CEP162: variants seen among roughly 807,000 people sequenced by gnomAD.
CEP162 encodes the protein centrosomal protein of 162 kDa.
CEP162 carries 141 observed loss-of-function variants against 169.2 expected under a neutral mutation model. The observed-to-expected ratio is 0.83, with a 90% CI of 0.73 to 0.96. The LOEUF (loss-of-function observed/expected upper bound fraction) is 0.96, where lower values mean the gene tolerates loss of function less well. Ranked by LOEUF, CEP162 falls within the 40% of genes least tolerant of loss-of-function variation. The pLI, the probability that CEP162 is intolerant of heterozygous loss-of-function variation, is 0.00. For missense variants in CEP162, 1,600 were observed against 1,587.2 expected (o/e 1.01, Z -0.14); for synonymous variants, 540 against 526.4 (o/e 1.03, Z -0.35).
chr6:84,126,379 T>A lies in CEP162; in HGVS notation c.4004A>T (p.Gln1335Leu). ...RHAQREQELQ[Q>L]IIQQTHQVVE... The stretch of plus-strand genomic sequence containing the variant: ...ATATGTAAATGTGATTTACTTTACC[T>A]GTTGAAGTTCCTGTTCTCTTTGTGC... Residue 1335 changes from glutamine to leucine, a missense_variant and splice_region_variant, in exon 26 of 27, where the codon CAG becomes CTG. Gln to Leu is a moderately radical substitution (Grantham distance 113, BLOSUM62 -2). Coordinates refer to ENST00000403245, the MANE Select transcript of CEP162 (RefSeq NM_014895.4). The A allele has an allele frequency of 6.3e-7, 1 of 1,582,756 alleles. No individual in the cohort carries two copies. The highest frequency in any genetic ancestry group is 1.2e-5 in the South Asian group (1 of 83,772).
In CEP162 at chr6:84,152,838, C is replaced by T; in HGVS notation, c.3336G>A (p.Gln1112=). Residue 1112 remains glutamine (Q), a synonymous_variant, in exon 23 of 27, where the codon CAG becomes CAA. Coordinates refer to ENST00000403245, the MANE Select transcript of CEP162 (RefSeq NM_014895.4). Reference sequence around the variant, plus strand: ...TTGATAGCATCATTCTTCTGTCTTTCTGAAGCCTCTCCACAGTTTTTGAGA... The same window carrying T: ...TTGATAGCATCATTCTTCTGTCTTTTTGAAGCCTCTCCACAGTTTTTGAGA... ...QDLSKTVERL[Q]KDRRMMLSNQ... 6.2e-7 allele frequency: 1 copy of T among 1,613,630 alleles called. No homozygotes were observed. The highest frequency in any genetic ancestry group is 8.5e-7 in the Non-Finnish European group (1 of 1,179,792).
rs756517430 is a variant in CEP162 at position 84,203,976 on chromosome 6, T to C, written c.687+5A>G. On this transcript the variant is annotated splice_donor_5th_base_variant and intron_variant, in intron 7 of 26. Coordinates refer to ENST00000403245, the MANE Select transcript of CEP162 (RefSeq NM_014895.4). ...AACTGTCAAATATATAATTGATATA[T>C]ATACCTGTTTGGGCACACTTATTTT... 2 of 1,575,278 alleles carry C rather than the reference T, an allele frequency of 1.3e-6. No homozygotes were observed. The highest frequency in any genetic ancestry group is 1.7e-6 in the Non-Finnish European group (2 of 1,151,682).
chr6:84,192,217 T>A (rs1535834), intron 11 of CEP162, among the ~76,000 whole-genome samples: 5,742 of 152,312 alleles, frequency 0.038, 161 homozygotes, highest in Admixed American at 0.091. Context: ...ACCAAAAAAT[T>A]TTTAGGTATG....
chr6:84,195,258 C>G (rs563853163), intron 9 of CEP162, among the ~76,000 whole-genome samples, 183 bp from the exon 10 acceptor site: 1 of 152,344 alleles, frequency 6.6e-6, no homozygotes, highest in South Asian at 2.1e-4. Flanking sequence ...TTTTAGCAAA[C>G]TGAGGCGTGT....
chr6:84,188,645 T>C (rs2099538308), intron 11 of CEP162, among the ~76,000 whole-genome samples: 1 of 152,172 alleles, frequency 6.6e-6, no homozygotes, highest in African/African-American at 2.4e-5. Flanking sequence ...ATGGGCATAT[T>C]TAGGTTGATT....
At chr6:84,177,315 C>G (rs1382489460) in intron 13 of CEP162, among the ~76,000 whole-genome samples, 1 of 152,154 alleles carries the variant, frequency 6.6e-6, no homozygotes, top group Admixed American at 6.5e-5. Context: ...TCCCTGTACC[C>G]CACCACTATA....
chr6:84,203,708 TC>T, intron 7 of CEP162, among the ~76,000 whole-genome samples: 1 of 152,288 alleles, frequency 6.6e-6, no homozygotes, highest in Non-Finnish European at 1.5e-5. Flanking sequence ...TGCCTCAGCC[TC>T]CCAAAGTGCT....
At position 84,215,895 on chromosome 6, in the gene CEP162, A is replaced by T. The variant is rs1448966182; in HGVS notation, c.200T>A (p.Leu67Ter). 6.4e-6 allele frequency: 10 copies of T among 1,573,950 alleles called. No homozygotes were observed. Among genetic ancestry groups the T allele is most frequent in the Non-Finnish European group, 8.6e-6 (10 of 1,158,492 alleles). Reference sequence around the variant, plus strand: ...AGGCTGAGAAGTCTTCTTTGTTTTCAAATAGCTCACATTTGTTCCAAGAAG... The same window carrying T: ...AGGCTGAGAAGTCTTCTTTGTTTTCTAATAGCTCACATTTGTTCCAAGAAG... ...DGLLGTNVSY[L>*]KTKKTSQPVM... The change falls in exon 4 of 27, where the codon TTG becomes TAG. Residue 67 changes from leucine (L) to a stop codon, truncating the protein, a stop_gained. Coordinates refer to ENST00000403245, the MANE Select transcript of CEP162 (RefSeq NM_014895.4). LOFTEE classifies it high-confidence loss of function.
At position 84,226,336 on chromosome 6, in the gene CEP162, C is replaced by A; in HGVS notation, c.57+1G>T. The A allele has an allele frequency of 6.5e-7, 1 of 1,546,848 alleles. No individual in the cohort carries two copies. Among genetic ancestry groups the A allele is most frequent in the Admixed American group, 1.9e-5 (1 of 51,674 alleles). ...TATAGCTTTTAAAAATATAAACTTA[C>A]CTCTTTCATAAACTGTTCAAACTCT... is the stretch of plus-strand genomic sequence containing the variant. On this transcript the variant is annotated splice_donor_variant, in intron 2 of 26. Transcript: ENST00000403245. LOFTEE classifies it high-confidence loss of function.
intron 17 of CEP162, 91 bp downstream of exon 17, chr6:84,171,511 ATGTC>A: frequency 2.1e-6 from 1 of 471,042 alleles, no homozygotes. Flanking sequence ...AAATTTTACT[ATGTC>A]TAAGTAAAAA....
intron 21 of CEP162, among the ~76,000 whole-genome samples, chr6:84,157,557 C>T (rs913312701): frequency 6.6e-6 from 1 of 152,092 alleles, no homozygotes; most frequent in Non-Finnish European, 1.5e-5. Context: ...CACCTGTGGT[C>T]CCAGCTACTC....
chr6:84,212,821 T>C, intron 6 of CEP162, 136 bp downstream of exon 6: 1 of 593,708 alleles, frequency 1.7e-6, no homozygotes, highest in Non-Finnish European at 2.9e-6. Flanking sequence ...GCTCAGTTTA[T>C]AACACAGGCA....
At chr6:84,128,642 CAAATA>C (rs2099509920) in intron 25 of CEP162, among the ~76,000 whole-genome samples, 2 of 151,910 alleles carry the variant, frequency 1.3e-5, no homozygotes, top group South Asian at 2.1e-4. Flanking sequence ...TGATGAGAAT[CAAATA>C]AAATAAGGTA....
intron 19 of CEP162, 65 bp from the exon 20 acceptor site, chr6:84,161,974 A>C (rs2099525969): frequency 9.5e-7 from 1 of 1,049,164 alleles, no homozygotes. Context: ...AAACTAAATT[A>C]AAAGATTTTA....
intron 25 of CEP162, among the ~76,000 whole-genome samples, chr6:84,134,990 CAT>C (rs1444147181): frequency 4.6e-5 from 7 of 151,314 alleles, no homozygotes; most frequent in African/African-American, 1.5e-4. Flanking sequence ...CTTTGAAAAT[CAT>C]ATGCATGCAT....
chr6:84,178,039 T>A (rs2099533114), intron 13 of CEP162, among the ~76,000 whole-genome samples: 1 of 152,228 alleles, frequency 6.6e-6, no homozygotes, highest in African/African-American at 2.4e-5. Flanking sequence ...TATAATATTA[T>A]TTCTGCACTC....
intron 2 of CEP162, among the ~76,000 whole-genome samples, chr6:84,222,717 ATTG>A (rs1428821802): frequency 6.6e-6 from 1 of 152,226 alleles, no homozygotes; most frequent in Non-Finnish European, 1.5e-5. Flanking sequence ...CAACTAGAAT[ATTG>A]TTATCTGAGT....
At chr6:84,185,543 T>C (rs2099536812) in intron 12 of CEP162, 95 bp from the exon 13 acceptor site, 4 of 1,092,556 alleles carry the variant, frequency 3.7e-6, no homozygotes, top group African/African-American at 1.6e-5. Context: ...ATAGTGATTA[T>C]CAAATAATGT....
At chr6:84,154,288 T>C (rs1223559672) in intron 22 of CEP162, among the ~76,000 whole-genome samples, 2 of 152,134 alleles carry the variant, frequency 1.3e-5, no homozygotes, top group East Asian at 3.9e-4. Flanking sequence ...AATTGTTTGC[T>C]AGACTCCAGA....
Sources: gnomAD v4.1 joint callset for allele counts (sites outside exome capture counted in the v4.1 genomes callset) on GRCh38, gnomAD v4.1.1 for gene constraint, MANE v1.5 for transcripts, NCBI Gene and HGNC (gene_info 2026-07-23, HGNC 2026-07-21) for gene names.